FAM184B: variants seen among roughly 807,000 people sequenced by gnomAD.
FAM184B encodes family with sequence similarity 184 member B, also known as protein FAM184B.
Under a neutral mutation model 135.9 loss-of-function variants are expected in FAM184B, and 111 were observed. That is an observed-to-expected ratio of 0.82 (90% CI 0.70 to 0.96). FAM184B has a LOEUF of 0.96. FAM184B is among the 40% of genes least tolerant of loss of function. The pLI, the probability that FAM184B is intolerant of heterozygous loss-of-function variation, is 0.00. For synonymous variants in FAM184B, 552 were observed against 524.8 expected (o/e 1.05, Z -0.71); for missense variants, 1,375 against 1,323.9 (o/e 1.04, Z -0.60).
chr4:17,658,959 A>G (rs1372635408), intron 9 of FAM184B, among the ~76,000 whole-genome samples: 1 of 152,094 alleles, frequency 6.6e-6, no homozygotes, highest in Non-Finnish European at 1.5e-5. Flanking sequence ...ACAGCCTCCC[A>G]GAAACCTCTG....
At chr4:17,681,744 A>T (rs527343461) in intron 7 of FAM184B, among the ~76,000 whole-genome samples, 16 of 152,050 alleles carry the variant, frequency 1.1e-4, no homozygotes, top group African/African-American at 3.9e-4. Flanking sequence ...TCCTTCCCAA[A>T]TGCCTCAGGA....
In FAM184B at chr4:17,640,210, C is replaced by T. The variant is rs187306926; in HGVS notation, c.2520-814G>A. 8.0e-5 allele frequency among the ~76,000 whole-genome samples: 12 copies of T among 150,606 alleles called. No individual in the cohort carries two copies. The East Asian group carries it at 2.2e-3, about 27-fold the overall frequency. Reference sequence around the variant, plus strand: ...AAATTGGGCTGGGTGCGGTGGCTCACATCTGTAATCCCAGCACTTTGGGAG... The same window carrying T: ...AAATTGGGCTGGGTGCGGTGGCTCATATCTGTAATCCCAGCACTTTGGGAG... On this transcript the variant is annotated intron_variant, in intron 13 of 17. Transcript: ENST00000265018.
At chr4:17,708,703 A>G (rs1386074059) in intron 2 of FAM184B, among the ~76,000 whole-genome samples, 189 bp downstream of exon 2, 44 of 56,364 alleles carry the variant, frequency 7.8e-4, no homozygotes, top group Non-Finnish European at 1.1e-3. Flanking sequence ...ATATATATAT[A>G]TATATAGTGT....
At chr4:17,660,204 G>A (rs1715881850) in intron 8 of FAM184B, 117 bp from the exon 9 acceptor site, 4 of 1,226,018 alleles carry the variant, frequency 3.3e-6, no homozygotes, top group Non-Finnish European at 4.5e-6. Flanking sequence ...AGCAGTTAGT[G>A]GGGATTAGAA....
chr4:17,649,380 C>T (rs1359744511), intron 11 of FAM184B, among the ~76,000 whole-genome samples: 3 of 151,778 alleles, frequency 2.0e-5, no homozygotes, highest in Non-Finnish European at 2.9e-5. Context: ...GTCAGGAGAT[C>T]GAGACCATAC....
At chr4:17,730,775 G>A (rs62295658) in intron 1 of FAM184B, among the ~76,000 whole-genome samples, 55,740 of 152,064 alleles carry the variant, frequency 0.37, 12,006 homozygotes, top group Non-Finnish European at 0.49. Flanking sequence ...GGCTTCAGAC[G>A]ATCAAACTAC....
At chr4:17,715,090 G>A (rs181949156) in intron 1 of FAM184B, among the ~76,000 whole-genome samples, 214 of 152,134 alleles carry the variant, frequency 1.4e-3, no homozygotes, top group Non-Finnish European at 2.5e-3. Flanking sequence ...TATTTTCACC[G>A]TCTTTTATAC....
chr4:17,731,696 C>A (rs573618696), intron 1 of FAM184B, among the ~76,000 whole-genome samples: 4 of 152,292 alleles, frequency 2.6e-5, no homozygotes, highest in Admixed American at 2.0e-4. Flanking sequence ...TAGTGACCTA[C>A]AAAGAGACTT....
rs1714869916 is a variant in FAM184B at position 17,629,716 on chromosome 4, T to C, written c.*2816A>G. The C allele has an allele frequency of 6.6e-6, 1 of 152,262 alleles. No homozygotes were observed. The highest frequency in any genetic ancestry group is 2.4e-5 in the African/African-American group (1 of 41,474). The allele number at this position is 152,262 out of a possible 1,614,324, so 9.4% of individuals were successfully genotyped here. On this transcript the variant is annotated 3_prime_UTR_variant, in exon 18 of 18. Transcript: ENST00000265018. ...CACTGTCACCTCTACGCCATCACTG[T>C]CATCTCTAGACCGCTCTGCTGTTGA...
chr4:17,774,818 T>C (rs186773916), intron 1 of FAM184B, among the ~76,000 whole-genome samples: 1 of 152,304 alleles, frequency 6.6e-6, no homozygotes, highest in Admixed American at 6.5e-5. Context: ...CCACATACTC[T>C]TTTACTCAGA....
At chr4:17,731,926 T>C (rs1423441227) in intron 1 of FAM184B, among the ~76,000 whole-genome samples, 1 of 152,070 alleles carries the variant, frequency 6.6e-6, no homozygotes, top group Non-Finnish European at 1.5e-5. Context: ...ACTGACCACA[T>C]AGTTGGAAGT....
chr4:17,728,000 A>C (rs1431970263), intron 1 of FAM184B, among the ~76,000 whole-genome samples: 1 of 152,174 alleles, frequency 6.6e-6, no homozygotes, highest in African/African-American at 2.4e-5. Context: ...CAATGAGTCC[A>C]GGCATGATGG....
intron 1 of FAM184B, among the ~76,000 whole-genome samples, chr4:17,718,168 T>C (rs567330825): frequency 5.3e-5 from 8 of 152,318 alleles, no homozygotes; most frequent in African/African-American, 1.9e-4. Flanking sequence ...CCAAAAACCC[T>C]TCACAGCACT....
chr4:17,781,085 AGGCGCATCCG>A lies in FAM184B; in HGVS notation c.141+64_141+73del. 1 of 1,419,924 alleles carries A rather than the reference AGGCGCATCCG, an allele frequency of 7.0e-7. No homozygotes were observed. Among genetic ancestry groups the A allele is most frequent in the Non-Finnish European group, 9.2e-7 (1 of 1,081,112 alleles). The allele number at this position is 1,419,924 out of a possible 1,614,324, so 88.0% of individuals were successfully genotyped here. A position where few individuals can be genotyped will look rare whatever the true frequency, so the allele number is the denominator to read the frequency against. On this transcript the variant is annotated intron_variant, in intron 1 of 17. Transcript: ENST00000265018. This position sits in a 1 kb window ranked among gnomAD's most constrained non-coding sequence, Gnocchi z 6.5. ...CTGGATTTGGCCCGGGCCTCCCGGG[AGGCGCATCCG>A]CACTGACTCCCGGCTCGGGCGCCCC... is the stretch of plus-strand genomic sequence containing the variant.
At chr4:17,725,372 T>C (rs561476300) in intron 1 of FAM184B, among the ~76,000 whole-genome samples, 1 of 152,342 alleles carries the variant, frequency 6.6e-6, no homozygotes, top group South Asian at 2.1e-4. Flanking sequence ...AAGAGGCATG[T>C]AATTATTATC....
intron 5 of FAM184B, among the ~76,000 whole-genome samples, chr4:17,698,660 A>G (rs1716919289): frequency 6.6e-6 from 1 of 152,206 alleles, no homozygotes; most frequent in Non-Finnish European, 1.5e-5. Flanking sequence ...GTCCCAACTC[A>G]GTAGTAGGGC....
rs1260136713 is a variant in FAM184B, at chr4:17,652,970, C to T, written c.2051G>A (p.Arg684His). The T allele has an allele frequency of 3.2e-6, 5 of 1,551,682 alleles. No individual in the cohort carries two copies. The highest frequency in any genetic ancestry group is 1.4e-5 in the African/African-American group (1 of 73,160). ...GCTGTGGCTGGATTCCTTCTTCAAGCGTTCCTCTGTGGCCTGTGGGAAAAA... is the reference window on the plus strand; with the variant it reads ...GCTGTGGCTGGATTCCTTCTTCAAGTGTTCCTCTGTGGCCTGTGGGAAAAA... ...RHQELKATEE[R>H]LKKESSHSLQ... Residue 684 changes from arginine to histidine, a missense_variant, in exon 11 of 18, where the codon CGC becomes CAC. Physicochemically the swap from Arg to His is conservative, Grantham distance 29. Transcript: ENST00000265018.
intron 1 of FAM184B, among the ~76,000 whole-genome samples, chr4:17,754,929 A>T (rs1718386191): frequency 6.6e-6 from 1 of 152,012 alleles, no homozygotes; most frequent in Non-Finnish European, 1.5e-5. Flanking sequence ...GCCGCAGTGC[A>T]GTGGCATGAT....
chr4:17,708,072 A>G (rs531327883), intron 2 of FAM184B, among the ~76,000 whole-genome samples: 138 of 152,322 alleles, frequency 9.1e-4, no homozygotes, highest in Admixed American at 1.5e-3. Context: ...TGGGGCTCAC[A>G]TAACTGAATC....
Sources: allele counts gnomAD v4.1 joint callset (sites outside exome capture counted in the v4.1 genomes callset), GRCh38; gene constraint gnomAD v4.1.1; non-coding constraint Gnocchi (gnomAD v3.1); transcripts MANE v1.5; gene names NCBI Gene and HGNC (gene_info 2026-07-23, HGNC 2026-07-21).